ODAD2: variants seen among roughly 807,000 people sequenced by gnomAD.
The protein encoded by ODAD2 is outer dynein arm docking complex subunit 2.
A neutral mutation model predicts 106.8 loss-of-function variants in ODAD2; 89 were observed. The observed-to-expected ratio is 0.83, with a 90% CI of 0.70 to 0.99. The LOEUF is 0.99. Among genes scored for constraint, ODAD2 ranks in the 50% least tolerant of loss-of-function variants. The pLI is 0.00. For synonymous variants in ODAD2, 404 were observed against 436.2 expected, an observed-to-expected ratio of 0.93 and a Z score of 0.92; for missense variants, 1,168 against 1,238.5, an observed-to-expected ratio of 0.94 and a Z score of 0.85.
intron 16 of ODAD2, among the ~76,000 whole-genome samples, chr10:27,921,671 C>G (rs1441795296): frequency 6.7e-6 from 1 of 148,184 alleles, no homozygotes. Flanking sequence ...GGTTGACAAA[C>G]AGCAATCAAT....
At chr10:27,918,996 T>C (rs910643385) in intron 16 of ODAD2, among the ~76,000 whole-genome samples, 12 of 150,534 alleles carry the variant, frequency 8.0e-5, no homozygotes, top group Non-Finnish European at 1.5e-4. Flanking sequence ...TAATGGAAAA[T>C]GTGCAATGCT....
chr10:27,948,996 T>A (rs1343129930), intron 10 of ODAD2, among the ~76,000 whole-genome samples: 1 of 152,130 alleles, frequency 6.6e-6, no homozygotes, highest in Non-Finnish European at 1.5e-5. Context: ...CAACTACGTT[T>A]TTTTAATTAC....
At chr10:27,817,040 G>A (rs1228438949) in intron 19 of ODAD2, among the ~76,000 whole-genome samples, 3 of 152,130 alleles carry the variant, frequency 2.0e-5, no homozygotes, top group East Asian at 1.9e-4. Context: ...ATGAGCCACC[G>A]TGCCCGGCCT....
At chr10:27,885,247 C>T (rs1841995285) in intron 17 of ODAD2, among the ~76,000 whole-genome samples, 1 of 150,820 alleles carries the variant, frequency 6.6e-6, no homozygotes, top group African/African-American at 2.4e-5. Context: ...CATGGTGGCT[C>T]ACACCTGTAA....
At chr10:27,995,600 G>T (rs1850514290) in intron 1 of ODAD2, 2 of 161,550 alleles carry the variant, frequency 1.2e-5, no homozygotes, top group Non-Finnish European at 2.7e-5. Context: ...GACACACATT[G>T]TTTAGAATTA....
chr10:27,943,316 A>T (rs935321856), intron 12 of ODAD2, among the ~76,000 whole-genome samples: 5 of 152,198 alleles, frequency 3.3e-5, no homozygotes, highest in Non-Finnish European at 7.3e-5. Flanking sequence ...AAATGCAGGC[A>T]GAAAAATCAG....
chr10:27,827,886 T>A (rs1837194760), intron 19 of ODAD2, among the ~76,000 whole-genome samples: 1 of 152,214 alleles, frequency 6.6e-6, no homozygotes, highest in Non-Finnish European at 1.5e-5. Context: ...CTGTTCATCT[T>A]TAGCTTCTCT....
chr10:27,990,654 T>C (rs1316485891), intron 2 of ODAD2, among the ~76,000 whole-genome samples: 1 of 152,208 alleles, frequency 6.6e-6, no homozygotes, highest in African/African-American at 2.4e-5. Flanking sequence ...ATAATTATTG[T>C]CTCATAAAAC....
In ODAD2 at chr10:27,971,107, C is replaced by A; in HGVS notation, c.1142+1G>T. 6.2e-7 allele frequency: 1 copy of A among 1,609,934 alleles called. No individual in the cohort carries two copies. Among genetic ancestry groups the A allele is most frequent in the East Asian group, 2.2e-5 (1 of 44,852 alleles). Reference sequence around the variant, plus strand: ...GAAAACAAATGCAAATATCTACATACCCTTTGTAATTAACAGTGGTCTTCC... The same window carrying A: ...GAAAACAAATGCAAATATCTACATAACCTTTGTAATTAACAGTGGTCTTCC... On this transcript the variant is annotated splice_donor_variant, in intron 8 of 19. Transcript: ENST00000305242. LOFTEE classifies it high-confidence loss of function.
At chr10:27,950,328 C>A (rs1308371058) in intron 10 of ODAD2, among the ~76,000 whole-genome samples, 1 of 152,158 alleles carries the variant, frequency 6.6e-6, no homozygotes, top group African/African-American at 2.4e-5. Flanking sequence ...TGGTGTATAA[C>A]CACGTGAGTC....
chr10:27,940,652 C>G lies in ODAD2; in HGVS notation c.1897G>C (p.Gly633Arg), dbSNP rs1432027483. The change falls in exon 13 of 20, where the codon GGC becomes CGC. Residue 633 changes from glycine (G) to arginine (R), a missense_variant. By Grantham distance (125) the Gly-to-Arg change is moderately radical. This residue lies in a region of ODAD2 where 701 missense variants were observed against 712.3 expected (regional missense o/e 0.98). Transcript: ENST00000305242. ...AGCAGCCGAGCCAACAGAGGAATGC[C>G]CCCAGCTTTGCGGATGGCTTCTTTA... ...TNKEAIRKAGGIPLLARLLKT... is the reference protein window; with the variant it reads ...TNKEAIRKAGRIPLLARLLKT... 3 of 1,614,110 alleles carry G rather than the reference C, an allele frequency of 1.9e-6. No homozygotes were observed. The highest frequency in any genetic ancestry group is 2.5e-6 in the Non-Finnish European group (3 of 1,180,000).
chr10:27,949,583 T>C (rs1847184577), intron 10 of ODAD2, among the ~76,000 whole-genome samples: 1 of 152,104 alleles, frequency 6.6e-6, no homozygotes, highest in Admixed American at 6.5e-5. Context: ...AGCACCTAAA[T>C]AAGGCCAGAG....
In ODAD2 at chr10:27,891,020, C is replaced by T. The variant is rs534936922; in HGVS notation, c.2610+16643G>A. On this transcript the variant is annotated intron_variant, in intron 17 of 19. Transcript: ENST00000305242. ...CAGCCCAAACATGGCTAAATCAGAG[C>T]TTGTGTTTATAGCAATATTCCTAGC... Among the ~76,000 whole-genome samples, 5 of 152,256 alleles carry T rather than the reference C, an allele frequency of 3.3e-5. No homozygotes were observed. In the South Asian group the frequency reaches 8.3e-4, roughly 25 times the overall value.
intron 19 of ODAD2, among the ~76,000 whole-genome samples, chr10:27,817,951 G>A (rs890476099): frequency 3.3e-5 from 5 of 151,782 alleles, no homozygotes; most frequent in Admixed American, 6.6e-5. Context: ...TACATACTTC[G>A]CACCATTCAC....
Position 27,985,216 on chromosome 10 carries a change from C to CA in ODAD2, c.383-6dup, listed in dbSNP as rs10599433. 0.095 allele frequency: 110,720 copies of CA among 1,167,312 alleles called. 26 individuals are homozygous for CA. The highest frequency in any genetic ancestry group is 0.1 in the Middle Eastern group (332 of 3,286). The allele number at this position is 1,167,312 out of a possible 1,614,324, so 72.3% of individuals were successfully genotyped here. On this transcript the variant is annotated splice_polypyrimidine_tract_variant and splice_region_variant and intron_variant, in intron 3 of 19. Coordinates refer to ENST00000305242, the MANE Select transcript of ODAD2 (RefSeq NM_018076.5). ...TTACTATGGGGTCTCTGTTAGCTGC[C>CA]AAAAAAAAAAAAAAGGAGACAAATA...
At chr10:27,976,306 G>A (rs1168073405) in intron 7 of ODAD2, among the ~76,000 whole-genome samples, 1 of 152,046 alleles carries the variant, frequency 6.6e-6, no homozygotes, top group African/African-American at 2.4e-5. Flanking sequence ...AATTAGGAAG[G>A]AAGAAATAAG....
At chr10:27,902,095 T>C (rs1407975364) in intron 17 of ODAD2, among the ~76,000 whole-genome samples, 1 of 152,098 alleles carries the variant, frequency 6.6e-6, no homozygotes, top group East Asian at 1.9e-4. Context: ...ACAGAAATGA[T>C]AACAAACAGT....
At chr10:27,891,312 C>A (rs774902458) in intron 17 of ODAD2, among the ~76,000 whole-genome samples, 8 of 152,102 alleles carry the variant, frequency 5.3e-5, no homozygotes, top group Non-Finnish European at 8.8e-5. Flanking sequence ...TTCTCAAATT[C>A]CTGACTGGCT....
At chr10:27,889,681 T>C (rs996847411) in intron 17 of ODAD2, among the ~76,000 whole-genome samples, 12 of 152,186 alleles carry the variant, frequency 7.9e-5, no homozygotes, top group African/African-American at 2.9e-4. Context: ...GACACTCCCA[T>C]GGACTTCAAG....
Sources: allele counts gnomAD v4.1 joint callset (sites outside exome capture counted in the v4.1 genomes callset), GRCh38; gene constraint gnomAD v4.1.1; regional missense constraint gnomAD v4.1.1; transcripts MANE v1.5; gene names NCBI Gene and HGNC (gene_info 2026-07-23, HGNC 2026-07-21).